CMTR1: variants seen among roughly 807,000 people sequenced by gnomAD.
CMTR1 encodes the protein cap-specific mRNA (nucleoside-2'-O-)-methyltransferase 1.
A neutral mutation model predicts 107.0 loss-of-function variants in CMTR1; 39 were observed. The ratio of observed to expected loss-of-function variants is 0.36; its 90% CI spans 0.28 to 0.48. CMTR1 has a LOEUF of 0.48. CMTR1 is among the 20% of genes least tolerant of loss of function. CMTR1 has a pLI of 0.99. For missense variants in CMTR1, 672 were observed against 1,064.9 expected, an observed-to-expected ratio of 0.63 and a Z score of 5.14; for synonymous variants, 366 against 379.5, an observed-to-expected ratio of 0.96 and a Z score of 0.41.
At position 37,481,201 on chromosome 6, in the gene CMTR1, G is replaced by A; in HGVS notation, c.*1056G>A. Reference sequence around the variant, plus strand: ...TGGCCGACAACACAGAGAGGAGGGGGAGCTGGGCAGTAGCTTGGGGTGGGG... The same window carrying A: ...TGGCCGACAACACAGAGAGGAGGGGAAGCTGGGCAGTAGCTTGGGGTGGGG... On this transcript the variant is annotated 3_prime_UTR_variant, in exon 24 of 24. Coordinates refer to ENST00000373451, the MANE Select transcript of CMTR1 (RefSeq NM_015050.3). The A allele has an allele frequency of 1.0e-5, 13 of 1,302,020 alleles. No individual in the cohort carries two copies. Among genetic ancestry groups the A allele is most frequent in the Non-Finnish European group, 1.3e-5 (13 of 987,572 alleles). The allele number at this position is 1,302,020 out of a possible 1,614,324, so 80.7% of individuals were successfully genotyped here. A position where few individuals can be genotyped will look rare whatever the true frequency, so the allele number is the denominator to read the frequency against.
In CMTR1 at chr6:37,472,458, C is replaced by T. The variant is rs766346208; in HGVS notation, c.1660C>T (p.Pro554Ser). ...TCGTGTGGCTCCTTCTTCCTCCGAC[C>T]CTAAATCGAAGTTCTTTGAGCTAAT... ...QARVAPSSSD[P>S]KSKFFELIQG... The change falls in exon 16 of 24, where the codon CCT becomes TCT. Residue 554 changes from proline to serine, a missense_variant. Physicochemically the swap from Pro to Ser is moderately conservative, Grantham distance 74 (BLOSUM62 -1). Coordinates refer to ENST00000373451, the MANE Select transcript of CMTR1 (RefSeq NM_015050.3). The surrounding 1 kb of genome is among the most constrained non-coding windows in gnomAD (Gnocchi z 4.1). The T allele has an allele frequency of 6.2e-7, 1 of 1,614,176 alleles. No individual in the cohort carries two copies. Among genetic ancestry groups the T allele is most frequent in the Non-Finnish European group, 8.5e-7 (1 of 1,180,030 alleles).
chr6:37,481,335 T>C lies in CMTR1; in HGVS notation c.*1190T>C, dbSNP rs1280549329. On this transcript the variant is annotated 3_prime_UTR_variant, in exon 24 of 24. Transcript: ENST00000373451. ...GCTGGTTTCCATGGAGATAGGGCAC[T>C]GAGGCTCCCGTGAGGTTGGAATCGA... 9.2e-6 allele frequency: 11 copies of C among 1,198,934 alleles called. No homozygotes were observed. The highest frequency in any genetic ancestry group is 7.4e-6 in the Non-Finnish European group (7 of 948,122). The allele number at this position is 1,198,934 out of a possible 1,614,324, so 74.3% of individuals were successfully genotyped here.
rs777555586 is a variant in CMTR1 at position 37,480,156 on chromosome 6, A to G, written c.*11A>G. 10 of 1,597,584 alleles carry G rather than the reference A, an allele frequency of 6.3e-6. 1 individual carries two copies. The African/African-American group carries it at 1.4e-4, about 22-fold the overall frequency. ...ATGCACAGGGCCTAAGAGCCTCAGA[A>G]TGTGCCACCCCTGCAGAATGCCCTG... On this transcript the variant is annotated 3_prime_UTR_variant, in exon 24 of 24. Transcript: ENST00000373451.
At position 37,434,512 on chromosome 6, in the gene CMTR1, A is replaced by G. The variant is rs1455043103; in HGVS notation, c.-6-1112A>G. ...TTGCTCTTTAACTTGATAATTCGTT[A>G]AGATTTCAGGGTTTCATAATCACTT... On this transcript the variant is annotated intron_variant, in intron 1 of 23. Coordinates refer to ENST00000373451, the MANE Select transcript of CMTR1 (RefSeq NM_015050.3). Among the ~76,000 whole-genome samples, 16 of 152,210 alleles carry G rather than the reference A, an allele frequency of 1.1e-4. No individual in the cohort carries two copies. The East Asian group carries it at 2.9e-3, about 28-fold the overall frequency.
Position 37,481,472 on chromosome 6 carries a change from C to G in CMTR1, c.*1327C>G. ...ATTCTGGGTATATCAGTGTGTCTTG[C>G]AGAATCTTGGATCATTAAAGATAAA... On this transcript the variant is annotated 3_prime_UTR_variant, in exon 24 of 24. Coordinates refer to ENST00000373451, the MANE Select transcript of CMTR1 (RefSeq NM_015050.3). 1.8e-6 allele frequency: 2 copies of G among 1,129,066 alleles called. No individual in the cohort carries two copies. Among genetic ancestry groups the G allele is most frequent in the Non-Finnish European group, 2.2e-6 (2 of 912,816 alleles). 69.9% of individuals were successfully genotyped at this position (1,129,066 alleles called of 1,614,324 possible). A position where few individuals can be genotyped will look rare whatever the true frequency, so the allele number is the denominator to read the frequency against.
chr6:37,458,456 C>G lies in CMTR1; in HGVS notation c.778-156C>G, dbSNP rs2113878040. On this transcript the variant is annotated intron_variant, in intron 8 of 23. Coordinates refer to ENST00000373451, the MANE Select transcript of CMTR1 (RefSeq NM_015050.3). The surrounding 1 kb of genome is among the most constrained non-coding windows in gnomAD (Gnocchi z 4.7). ...TGAGGCAACACTAAAGGGTGTTAATCACCAGAAGATACATTTCCTGGGTGC... is the reference window on the plus strand; with the variant it reads ...TGAGGCAACACTAAAGGGTGTTAATGACCAGAAGATACATTTCCTGGGTGC... Among the ~76,000 whole-genome samples, 3 of 152,312 alleles carry G rather than the reference C, an allele frequency of 2.0e-5. No homozygotes were observed. Among genetic ancestry groups the G allele is most frequent in the Middle Eastern group, 6.8e-3 (2 of 294 alleles).
At chr6:37,436,526 G>A (rs1199958941) in intron 2 of CMTR1, 1 of 152,232 alleles carries the variant, frequency 6.6e-6, no homozygotes, top group Non-Finnish European at 1.5e-5. Context: ...TCAAAGTGTT[G>A]GTGGGGCCAT....
chr6:37,437,347 A>G (rs546213832), intron 2 of CMTR1, among the ~76,000 whole-genome samples: 1 of 151,832 alleles, frequency 6.6e-6, no homozygotes, highest in East Asian at 1.9e-4. Context: ...TAACACAGTG[A>G]AACCCCATCT....
At chr6:37,439,264 A>G (rs926289719) in intron 2 of CMTR1, among the ~76,000 whole-genome samples, 2 of 152,224 alleles carry the variant, frequency 1.3e-5, no homozygotes, top group Admixed American at 6.5e-5. Context: ...ATACATTCTT[A>G]CAAATTTGCT....
At chr6:37,455,929 T>C (rs1475356344) in intron 8 of CMTR1, among the ~76,000 whole-genome samples, 8 of 152,220 alleles carry the variant, frequency 5.3e-5, no homozygotes, top group Non-Finnish European at 1.0e-4. Flanking sequence ...ATGACTTAAA[T>C]TGTGTGCTTG....
intron 2 of CMTR1, among the ~76,000 whole-genome samples, chr6:37,438,228 A>T (rs1359697151): frequency 6.6e-6 from 1 of 152,106 alleles, no homozygotes; most frequent in African/African-American, 2.4e-5. Flanking sequence ...AAAAATACAG[A>T]TATTAGCTGG....
chr6:37,458,892 A>T lies in CMTR1; in HGVS notation c.976+82A>T. 5 of 1,290,812 alleles carry T rather than the reference A, an allele frequency of 3.9e-6. No individual in the cohort carries two copies. The highest frequency in any genetic ancestry group is 1.5e-5 in the African/African-American group (1 of 68,192). The allele number at this position is 1,290,812 out of a possible 1,614,324, so 80.0% of individuals were successfully genotyped here. On this transcript the variant is annotated intron_variant, in intron 9 of 23. Transcript: ENST00000373451. The surrounding 1 kb of genome is among the most constrained non-coding windows in gnomAD (Gnocchi z 4.7). ...TTCAGGTCAGAAGCAGTTGTTATCC[A>T]CATGCCATATTTTCTTTCCTAGGTC...
At position 37,462,085 on chromosome 6, in the gene CMTR1, T is replaced by A. The variant is rs1372422095; in HGVS notation, c.1308T>A (p.Arg436=). 1.2e-6 allele frequency: 2 copies of A among 1,613,994 alleles called. No homozygotes were observed. Among genetic ancestry groups the A allele is most frequent in the Non-Finnish European group, 1.7e-6 (2 of 1,180,032 alleles). The stretch of plus-strand genomic sequence containing the variant: ...GTCTCTTCAAGCCTATTACCAGCCG[T>A]CCTGCCAACTCAGAGAGGTGAAGCC... ...RVCLFKPITS[R]PANSERYVVC... The change falls in exon 12 of 24, where the codon CGT becomes CGA. Residue 436 remains arginine, a synonymous_variant. Coordinates refer to ENST00000373451, the MANE Select transcript of CMTR1 (RefSeq NM_015050.3).
chr6:37,448,067 C>T (rs1420331983), intron 4 of CMTR1, among the ~76,000 whole-genome samples: 3 of 151,682 alleles, frequency 2.0e-5, no homozygotes, highest in South Asian at 2.1e-4. Flanking sequence ...AAAAATTAGC[C>T]GGGCATGGTG....
chr6:37,476,505 ACC>A (rs1281592808), intron 20 of CMTR1, among the ~76,000 whole-genome samples: 3 of 152,126 alleles, frequency 2.0e-5, no homozygotes, highest in African/African-American at 7.2e-5. Flanking sequence ...TTAGCACATT[ACC>A]TGGCCTTTTA....
rs533196660 is a variant in CMTR1 at position 37,481,456 on chromosome 6, A to G, written c.*1311A>G. 3.5e-6 allele frequency: 4 copies of G among 1,154,668 alleles called. No individual in the cohort carries two copies. Among genetic ancestry groups the G allele is most frequent in the African/African-American group, 1.6e-5 (1 of 61,888 alleles). The allele number at this position is 1,154,668 out of a possible 1,614,324, so 71.5% of individuals were successfully genotyped here. A position where few individuals can be genotyped will look rare whatever the true frequency, so the allele number is the denominator to read the frequency against. ...GCTGTATTTCCACCCAATTCTGGGT[A>G]TATCAGTGTGTCTTGCAGAATCTTG... On this transcript the variant is annotated 3_prime_UTR_variant, in exon 24 of 24. Coordinates refer to ENST00000373451, the MANE Select transcript of CMTR1 (RefSeq NM_015050.3).
intron 1 of CMTR1, among the ~76,000 whole-genome samples, 182 bp from the exon 2 acceptor site, chr6:37,435,442 A>G (rs991660449): frequency 6.6e-6 from 1 of 152,212 alleles, no homozygotes; most frequent in East Asian, 1.9e-4. Context: ...ATTGAAAACC[A>G]ACACTTGTCT....
chr6:37,464,466 C>CA (rs536711395), intron 13 of CMTR1, among the ~76,000 whole-genome samples: 1,245 of 116,806 alleles, frequency 0.011, 14 homozygotes, highest in African/African-American at 0.031. Context: ...GACTCCATCT[C>CA]AAAAAAAAAA....
chr6:37,469,920 G>GTT (rs34467439), intron 13 of CMTR1, among the ~76,000 whole-genome samples: 19 of 142,794 alleles, frequency 1.3e-4, no homozygotes, highest in African/African-American at 4.3e-4. Flanking sequence ...TAGATGATCT[G>GTT]TTTTTTTTTT....
Sources: gnomAD v4.1 joint callset for allele counts (sites outside exome capture counted in the v4.1 genomes callset) on GRCh38, gnomAD v4.1.1 for gene constraint, Gnocchi (gnomAD v3.1) non-coding constraint, MANE v1.5 for transcripts, NCBI Gene and HGNC (gene_info 2026-07-23, HGNC 2026-07-21) for gene names.